Variants in UPK1B observed in about 807,000 individuals in gnomAD.
UPK1B encodes the protein uroplakin-1b.
Under a neutral mutation model 34.2 loss-of-function variants are expected in UPK1B, and 28 were observed. That is an observed-to-expected ratio of 0.82 (90% CI 0.61 to 1.12). The LOEUF (loss-of-function observed/expected upper bound fraction) is 1.12, where lower values mean the gene tolerates loss of function less well. Among genes scored for constraint, UPK1B ranks in the 50% most tolerant of loss-of-function variants. The pLI, the probability that UPK1B is intolerant of heterozygous loss-of-function variation, is 0.00. For missense variants in UPK1B, 325 were observed against 320.9 expected (o/e 1.01, Z -0.10); for synonymous variants, 81 against 110.4 (o/e 0.73, Z 1.67).
chr3:119,173,761 G>GAA (rs2077939806), intron 1 of UPK1B, 123 bp downstream of exon 1: 1 of 152,220 alleles, frequency 6.6e-6, no homozygotes, highest in South Asian at 2.1e-4. Flanking sequence ...GATTCATAAA[G>GAA]TCTGTCATTT....
At chr3:119,176,224 G>C (rs1383509753) in intron 1 of UPK1B, 1 of 152,122 alleles carries the variant, frequency 6.6e-6, no homozygotes, top group East Asian at 1.9e-4. Context: ...TAAAGTTTGA[G>C]GTGTGGTTTG....
Position 119,199,174 on chromosome 3 carries a change from G to C in UPK1B, c.732+34G>C. The C allele has an allele frequency of 1.2e-6, 2 of 1,611,434 alleles. 1 individual carries two copies. Reference sequence around the variant, plus strand: ...TTCCCAGCACATATTTTATCTGAGAGGATGATCATACGGAGAGACCTTGAG... The same window carrying C: ...TTCCCAGCACATATTTTATCTGAGACGATGATCATACGGAGAGACCTTGAG... On this transcript the variant is annotated intron_variant, in intron 7 of 7. Coordinates refer to ENST00000264234, the MANE Select transcript of UPK1B (RefSeq NM_006952.4).
chr3:119,200,303 C>G (rs2078085620), intron 7 of UPK1B, among the ~76,000 whole-genome samples: 1 of 152,228 alleles, frequency 6.6e-6, no homozygotes, highest in Non-Finnish European at 1.5e-5. Context: ...TCCTCCCACC[C>G]TGGCCTCCCA....
rs542648139 is a variant in UPK1B, at chr3:119,179,063, G to A, written c.-29+5425G>A. On this transcript the variant is annotated intron_variant, in intron 1 of 7. Coordinates refer to ENST00000264234, the MANE Select transcript of UPK1B (RefSeq NM_006952.4). The stretch of plus-strand genomic sequence containing the variant: ...ATACATAAAGAGAGAGAGAGGCAAC[G>A]TATGGTGGCTCACGCCTATAATCTC... Among the ~76,000 whole-genome samples, 18 of 152,122 alleles carry A rather than the reference G, an allele frequency of 1.2e-4. No homozygotes were observed. The East Asian group carries it at 2.9e-3, about 25-fold the overall frequency.
chr3:119,188,304 G>A (rs551891195), intron 3 of UPK1B, among the ~76,000 whole-genome samples: 12 of 152,292 alleles, frequency 7.9e-5, no homozygotes, highest in African/African-American at 2.4e-4. Context: ...CCAAAGGAGA[G>A]ACACAGTGAG....
chr3:119,181,477 C>T (rs966211496), intron 1 of UPK1B, among the ~76,000 whole-genome samples: 23 of 152,024 alleles, frequency 1.5e-4, no homozygotes, highest in African/African-American at 4.4e-4. Flanking sequence ...TTCATAGTAA[C>T]CCTTGAAGTT....
rs186691000 is a variant in UPK1B at position 119,194,198 on chromosome 3, G to C, written c.469-21G>C. On this transcript the variant is annotated intron_variant, in intron 5 of 7. Coordinates refer to ENST00000264234, the MANE Select transcript of UPK1B (RefSeq NM_006952.4). The stretch of plus-strand genomic sequence containing the variant: ...AGTAGGGACCACGAAAGAGAATTTT[G>C]TATCTCTCATCTGCTGACAGGACAA... 7 of 1,610,946 alleles carry C rather than the reference G, an allele frequency of 4.3e-6. 1 individual carries two copies. The East Asian group carries it at 8.9e-5, about 21-fold the overall frequency.
rs142595322 is a variant in UPK1B, at chr3:119,204,100, C to A, written c.*133C>A. 3.0e-6 allele frequency: 3 copies of A among 998,562 alleles called. No individual in the cohort carries two copies. The African/African-American group carries it at 4.9e-5, about 16-fold the overall frequency. The allele number at this position is 998,562 out of a possible 1,614,324, so 61.9% of individuals were successfully genotyped here. ...TCTTACATTGCCAAGTCAGATGGTA[C>A]GGACTTCCTTTAGGATCTCAGGCTT... is the stretch of plus-strand genomic sequence containing the variant. On this transcript the variant is annotated 3_prime_UTR_variant, in exon 8 of 8. Transcript: ENST00000264234.
intron 6 of UPK1B, among the ~76,000 whole-genome samples, chr3:119,196,543 T>A (rs1327941325): frequency 6.9e-6 from 1 of 145,430 alleles, no homozygotes; most frequent in Non-Finnish European, 1.5e-5. Context: ...TTCTTTTTTT[T>A]TTTTTTTTTT....
chr3:119,175,320 C>A (rs1354317670), intron 1 of UPK1B, among the ~76,000 whole-genome samples: 2 of 152,124 alleles, frequency 1.3e-5, no homozygotes, highest in Non-Finnish European at 2.9e-5. Flanking sequence ...AGCCACCGCA[C>A]CCGGCCAAAA....
At chr3:119,188,603 C>T (rs1387335840) in intron 3 of UPK1B, among the ~76,000 whole-genome samples, 1 of 152,216 alleles carries the variant, frequency 6.6e-6, no homozygotes, top group Non-Finnish European at 1.5e-5. Flanking sequence ...TAACTCTGTA[C>T]ATCAAGGAGA....
At position 119,187,982 on chromosome 3, in the gene UPK1B, C is replaced by T. The variant is rs1353278086; in HGVS notation, c.270+7C>T. 3 of 1,614,052 alleles carry T rather than the reference C, an allele frequency of 1.9e-6. No homozygotes were observed. The Admixed American group carries it at 5.0e-5, about 27-fold the overall frequency. On this transcript the variant is annotated splice_region_variant and intron_variant, in intron 3 of 7. Transcript: ENST00000264234. Reference sequence around the variant, plus strand: ...CAGGAAAATTCTTCTGGCGGTAAGACCTCAAAATTCTCTGGAGTTGTCTCC... The same window carrying T: ...CAGGAAAATTCTTCTGGCGGTAAGATCTCAAAATTCTCTGGAGTTGTCTCC...
intron 6 of UPK1B, among the ~76,000 whole-genome samples, chr3:119,196,836 C>A (rs1314849560): frequency 6.6e-6 from 1 of 152,106 alleles, no homozygotes; most frequent in South Asian, 2.1e-4. Flanking sequence ...CCGTGCCCAG[C>A]CTGGTTTTTG....
Position 119,194,212 on chromosome 3 carries a change from CT to C in UPK1B, c.469-6del. 6.2e-7 allele frequency: 1 copy of C among 1,613,252 alleles called. No individual in the cohort carries two copies. Among genetic ancestry groups the C allele is most frequent in the Non-Finnish European group, 8.5e-7 (1 of 1,179,588 alleles). ...AAGAGAATTTTGTATCTCTCATCTG[CT>C]GACAGGACAATTGCTGTGGCGTAAA... On this transcript the variant is annotated splice_polypyrimidine_tract_variant and splice_region_variant and intron_variant, in intron 5 of 7. Transcript: ENST00000264234.
chr3:119,175,012 C>CTTTTTTTTT (rs374721069), intron 1 of UPK1B, among the ~76,000 whole-genome samples: 14 of 67,442 alleles, frequency 2.1e-4, no homozygotes, highest in African/African-American at 2.5e-4. Flanking sequence ...CTTTTATTTT[C>CTTTTTTTTT]TTTTTTTTTT....
At chr3:119,203,862 G>A (rs561840255) in intron 7 of UPK1B, 55 bp from the exon 8 acceptor site, 7 of 1,557,470 alleles carry the variant, frequency 4.5e-6, no homozygotes, top group Non-Finnish European at 6.2e-6. Flanking sequence ...TTCCAAGAAT[G>A]AGATGTTTCT....
intron 1 of UPK1B, among the ~76,000 whole-genome samples, chr3:119,184,563 C>CAAAAA (rs11369996): frequency 8.5e-6 from 1 of 117,240 alleles, no homozygotes. Context: ...ACTAAAAATA[C>CAAAAA]AAAAAAAAAA....
At chr3:119,175,820 AG>A (rs1424805776) in intron 1 of UPK1B, among the ~76,000 whole-genome samples, 1 of 152,182 alleles carries the variant, frequency 6.6e-6, no homozygotes, top group Non-Finnish European at 1.5e-5. Flanking sequence ...GGAGCAACTG[AG>A]GAACTGATTT....
At chr3:119,174,893 T>TTTA (rs1307916940) in intron 1 of UPK1B, among the ~76,000 whole-genome samples, 15 of 13,660 alleles carry the variant, frequency 1.1e-3, no homozygotes, top group Admixed American at 6.4e-3. Context: ...AACTCACCTA[T>TTTA]TTTTTTTTTT....
Sources: gnomAD v4.1 joint callset for allele counts (sites outside exome capture counted in the v4.1 genomes callset) on GRCh38, gnomAD v4.1.1 for gene constraint, MANE v1.5 for transcripts, NCBI Gene and HGNC (gene_info 2026-07-23, HGNC 2026-07-21) for gene names.